MAN2B1: variants seen among roughly 807,000 people sequenced by gnomAD.
MAN2B1 encodes the protein lysosomal alpha-mannosidase.
Under a neutral mutation model 127.5 loss-of-function variants are expected in MAN2B1, and 99 were observed. The ratio of observed to expected loss-of-function variants is 0.78; its 90% CI spans 0.66 to 0.92. The LOEUF is 0.92. MAN2B1 is among the 40% of genes least tolerant of loss of function. MAN2B1 has a pLI of 0.00. For synonymous variants in MAN2B1, 573 were observed against 568.8 expected, an observed-to-expected ratio of 1.01 and a Z score of -0.11; for missense variants, 1,304 against 1,384.8, an observed-to-expected ratio of 0.94 and a Z score of 0.93.
Position 12,658,101 on chromosome 19 carries a change from T to C in MAN2B1, c.1271A>G (p.Asn424Ser), listed in dbSNP as rs1322106502. 6.2e-7 allele frequency: 1 copy of C among 1,613,396 alleles called. No homozygotes were observed. Among genetic ancestry groups the C allele is most frequent in the African/African-American group, 1.3e-5 (1 of 75,022 alleles). ...GTCTCCGGAGCCATAGGGTCCCACGTTGGCCGCCAGGCCCACCAGCGCCTC... is the reference window on the plus strand; with the variant it reads ...GTCTCCGGAGCCATAGGGTCCCACGCTGGCCGCCAGGCCCACCAGCGCCTC... ...QLEALVGLAA[N>S]VGPYGSGDSA... The change falls in exon 10 of 24, where the codon AAC (asparagine) becomes AGC (serine). Residue 424 changes from asparagine to serine, a missense_variant. Physicochemically the swap from Asn to Ser is conservative, Grantham distance 46 (BLOSUM62 1). Coordinates refer to ENST00000456935, the MANE Select transcript of MAN2B1 (RefSeq NM_000528.4).
At chr19:12,646,989 G>GA (rs2023703359) in intron 23 of MAN2B1, 1 of 607,694 alleles carries the variant, frequency 1.6e-6, no homozygotes, top group Admixed American at 2.9e-5. Flanking sequence ...CCCAGAACTA[G>GA]ACATGGATGG....
In MAN2B1 at chr19:12,649,477, CTTTT is replaced by C. The variant is rs36018312; in HGVS notation, c.2268-53_2268-50del. 6.8e-3 allele frequency: 2,842 copies of C among 418,862 alleles called. 19 individuals are homozygous for C. The highest frequency in any genetic ancestry group is 0.012 in the Middle Eastern group (18 of 1,490). The allele number at this position is 418,862 out of a possible 1,614,324, so 25.9% of individuals were successfully genotyped here. A position where few individuals can be genotyped will look rare whatever the true frequency, so the allele number is the denominator to read the frequency against. On this transcript the variant is annotated intron_variant, in intron 18 of 23. Transcript: ENST00000456935. ...AGGCTTGGGATCTGGCTCCCCAACT[CTTTT>C]TTTTTTTTTTTTTTTTTTGAGATGG...
chr19:12,666,679 G>A lies in MAN2B1; in HGVS notation c.23C>T (p.Ser8Leu). ...CAGGCAGCCGCGAGCGCAGACCCCC[G>A]AAGCCCGCGCGTAGGCGCCCATGGC... MGAYARASGVCARGCLDS... is the reference protein window; with the variant it reads MGAYARALGVCARGCLDS... Residue 8 changes from serine (S) to leucine (L), a missense_variant, in exon 1 of 24, where the codon TCG becomes TTG. By Grantham distance (145) the Ser-to-Leu change is moderately radical (BLOSUM62 -2). Transcript: ENST00000456935. The A allele has an allele frequency of 6.4e-7, 1 of 1,551,104 alleles. No homozygotes were observed.
intron 20 of MAN2B1, 118 bp downstream of exon 20, chr19:12,649,018 G>T (rs746177094): frequency 3.7e-6 from 3 of 814,304 alleles, no homozygotes; most frequent in Non-Finnish European, 6.2e-6. Context: ...AGAAAGAAAC[G>T]GAGTCCTCAG....
rs976021105 is a variant in MAN2B1 at position 12,647,714 on chromosome 19, AG to A, written c.2665-117del. 2.6e-5 allele frequency: 22 copies of A among 835,746 alleles called. No homozygotes were observed. The African/African-American group carries it at 3.3e-4, about 12-fold the overall frequency. The allele number at this position is 835,746 out of a possible 1,614,324, so 51.8% of individuals were successfully genotyped here. On this transcript the variant is annotated intron_variant, in intron 21 of 23. Coordinates refer to ENST00000456935, the MANE Select transcript of MAN2B1 (RefSeq NM_000528.4). This position sits in a 1 kb window ranked among gnomAD's most constrained non-coding sequence, Gnocchi z 4.9. ...TTGTAGGGGCGGGGTTTCGCCGGAG[AG>A]GGGCAAGGCTCAGCCGAGAGGAGCG... is the stretch of plus-strand genomic sequence containing the variant.
chr19:12,666,044 A>G (rs1398574666), intron 1 of MAN2B1, among the ~76,000 whole-genome samples: 1 of 152,174 alleles, frequency 6.6e-6, no homozygotes, highest in East Asian at 1.9e-4. Context: ...TAATAATAGA[A>G]GTAGCTGATG....
rs1490618243 is a variant in MAN2B1, at chr19:12,650,156, G to T, written c.2113C>A (p.Pro705Thr). 5 of 1,614,022 alleles carry T rather than the reference G, an allele frequency of 3.1e-6. No individual in the cohort carries two copies. The change falls in exon 17 of 24, where the codon CCA (proline) becomes ACA (threonine). Residue 705 changes from proline to threonine, a missense_variant. Physicochemically the swap from Pro to Thr is conservative, Grantham distance 38. Coordinates refer to ENST00000456935, the MANE Select transcript of MAN2B1 (RefSeq NM_000528.4). ...TCTAGCTCCAGGTGCCGCTGTCCTG[G>T]GTACAGGCGAACCACCTGGGAACAC... is the stretch of plus-strand genomic sequence containing the variant. ...AWCSQVVRLY[P>T]GQRHLELEWS...
rs756166631 is a variant in MAN2B1 at position 12,655,891 on chromosome 19, G to A, written c.1645-12C>T. 5 of 1,612,902 alleles carry A rather than the reference G, an allele frequency of 3.1e-6. No homozygotes were observed. The highest frequency in any genetic ancestry group is 4.2e-6 in the Non-Finnish European group (5 of 1,179,352). ...GGAAATATTACCACCTCGGATAAAG[G>A]AGGAGGGAAACTGAGTCAAGAGTAC... On this transcript the variant is annotated splice_polypyrimidine_tract_variant and intron_variant, in intron 13 of 23. Coordinates refer to ENST00000456935, the MANE Select transcript of MAN2B1 (RefSeq NM_000528.4).
At position 12,650,032 on chromosome 19, in the gene MAN2B1, G is replaced by A. The variant is rs368669177; in HGVS notation, c.2166-18C>T. The A allele has an allele frequency of 3.3e-4, 529 of 1,612,052 alleles. No homozygotes were observed. The highest frequency in any genetic ancestry group is 4.3e-4 in the Non-Finnish European group (504 of 1,178,296). The stretch of plus-strand genomic sequence containing the variant: ...AGGTGTCGCTGTACCCAATGGGATG[G>A]CAAGGTTGTGAGCCTTGGATAAACC... On this transcript the variant is annotated intron_variant, in intron 17 of 23. Coordinates refer to ENST00000456935, the MANE Select transcript of MAN2B1 (RefSeq NM_000528.4).
rs1202227525 is a variant in MAN2B1, at chr19:12,663,689, A to C, written c.763+14T>G. 1 of 1,603,200 alleles carries C rather than the reference A, an allele frequency of 6.2e-7. No homozygotes were observed. The highest frequency in any genetic ancestry group is 8.5e-7 in the Non-Finnish European group (1 of 1,175,354). On this transcript the variant is annotated intron_variant, in intron 5 of 23. Transcript: ENST00000456935. ...TGGCACCATGGCTGGCCCTGCCCTC[A>C]CCAAGCCCCCTACCAGTGAAGAGGT...
At position 12,650,124 on chromosome 19, in the gene MAN2B1, C is replaced by T. The variant is rs776158673; in HGVS notation, c.2145G>A (p.Ser715=). Residue 715 remains serine (S), a synonymous_variant, in exon 17 of 24, where the codon TCG becomes TCA. Coordinates refer to ENST00000456935, the MANE Select transcript of MAN2B1 (RefSeq NM_000528.4). ...PGQRHLELEW[S]VGPIPVGDTW... Reference sequence around the variant, plus strand: ...CTCACCCCACAGGTATCGGCCCCACCGACCACTCTAGCTCCAGGTGCCGCT... The same window carrying T: ...CTCACCCCACAGGTATCGGCCCCACTGACCACTCTAGCTCCAGGTGCCGCT... 24 of 1,614,066 alleles carry T rather than the reference C, an allele frequency of 1.5e-5. No homozygotes were observed. The highest frequency in any genetic ancestry group is 6.6e-5 in the South Asian group (6 of 91,082).
chr19:12,647,526 C>T lies in MAN2B1; in HGVS notation c.2737G>A (p.Val913Met), dbSNP rs929568109. 1.9e-6 allele frequency: 3 copies of T among 1,614,130 alleles called. No individual in the cohort carries two copies. The highest frequency in any genetic ancestry group is 3.3e-5 in the Admixed American group (2 of 60,010). ...LTLASWGPEM[V>M]LLRLEHQFAV... is the part of the protein sequence containing the mutation. Reference sequence around the variant, plus strand: ...AACTGGTGCTCCAAGCGCAGCAGCACCATTTCGGGGCCCCAGCTGGCCAGC... The same window carrying T: ...AACTGGTGCTCCAAGCGCAGCAGCATCATTTCGGGGCCCCAGCTGGCCAGC... Residue 913 changes from valine to methionine, a missense_variant, in exon 22 of 24, where the codon GTG becomes ATG. Transcript: ENST00000456935. This position sits in a 1 kb window ranked among gnomAD's most constrained non-coding sequence, Gnocchi z 4.9.
chr19:12,650,326 A>C, intron 16 of MAN2B1, 104 bp from the exon 17 acceptor site: 1 of 765,064 alleles, frequency 1.3e-6, no homozygotes, highest in Non-Finnish European at 2.4e-6. Context: ...GGCCTACATC[A>C]AGGTCAACCT....
intron 10 of MAN2B1, 35 bp downstream of exon 10, chr19:12,658,028 C>T (rs768513045): frequency 6.9e-6 from 11 of 1,597,536 alleles, no homozygotes; most frequent in South Asian, 6.6e-5. Flanking sequence ...CAACTTCAGC[C>T]GCAAACCTCT....
Position 12,647,136 on chromosome 19 carries a change from T to C in MAN2B1, c.2923+97A>G, listed in dbSNP as rs187790492. The C allele has an allele frequency of 3.3e-4, 393 of 1,191,994 alleles. 2 individuals carry two copies. In the East Asian group the frequency reaches 8.4e-3, roughly 26 times the overall value. The allele number at this position is 1,191,994 out of a possible 1,614,324, so 73.8% of individuals were successfully genotyped here. On this transcript the variant is annotated intron_variant, in intron 23 of 23. Transcript: ENST00000456935. This position sits in a 1 kb window ranked among gnomAD's most constrained non-coding sequence, Gnocchi z 4.9. ...TCTGCCCCATACCCTCATGACCTTT[T>C]TGGGTCCTGGCCAACATCCCATGCC...
chr19:12,665,055 G>A (rs1212622455), intron 3 of MAN2B1, 70 bp from the exon 4 acceptor site: 1 of 1,414,412 alleles, frequency 7.1e-7, no homozygotes, highest in Non-Finnish European at 9.9e-7. Context: ...GGTGATACTG[G>A]GAATGTGAAA....
At position 12,647,339 on chromosome 19, in the gene MAN2B1, C is replaced by A. The variant is rs753776387; in HGVS notation, c.2821-4G>T. 2 of 1,613,710 alleles carry A rather than the reference C, an allele frequency of 1.2e-6. No individual in the cohort carries two copies. The highest frequency in any genetic ancestry group is 2.7e-5 in the African/African-American group (2 of 74,916). Reference sequence around the variant, plus strand: ...TGGTGAAGGTGGAGAACAGGTCCTGCGGGGAAGGGGATGGGCCCAGATGAG... The same window carrying A: ...TGGTGAAGGTGGAGAACAGGTCCTGAGGGGAAGGGGATGGGCCCAGATGAG... On this transcript the variant is annotated splice_region_variant and splice_polypyrimidine_tract_variant and intron_variant, in intron 22 of 23. Coordinates refer to ENST00000456935, the MANE Select transcript of MAN2B1 (RefSeq NM_000528.4). The surrounding 1 kb of genome is among the most constrained non-coding windows in gnomAD (Gnocchi z 4.9).
At chr19:12,656,904 C>T (rs771489003) in intron 12 of MAN2B1, 45 bp downstream of exon 12, 4 of 1,486,606 alleles carry the variant, frequency 2.7e-6, no homozygotes, top group Non-Finnish European at 3.7e-6. Context: ...ACTACCCCCT[C>T]TAAAGCCCAT....
At chr19:12,664,655 T>G (rs2024183373) in intron 4 of MAN2B1, 137 bp downstream of exon 4, 1 of 950,904 alleles carries the variant, frequency 1.1e-6, no homozygotes, top group African/African-American at 1.6e-5. Context: ...TACGGCTCAC[T>G]CAAGGGGCAG....
Sources: allele counts gnomAD v4.1 joint callset (sites outside exome capture counted in the v4.1 genomes callset), GRCh38; gene constraint gnomAD v4.1.1; non-coding constraint Gnocchi (gnomAD v3.1); transcripts MANE v1.5; gene names NCBI Gene and HGNC (gene_info 2026-07-23, HGNC 2026-07-21).